Variants in NPAS3 observed in about 807,000 individuals in gnomAD.
NPAS3 encodes the protein neuronal PAS domain-containing protein 3.
Under a neutral mutation model 73.1 loss-of-function variants are expected in NPAS3, and 14 were observed. The observed-to-expected ratio is 0.19, with a 90% confidence interval of 0.13 to 0.30. The LOEUF (loss-of-function observed/expected upper bound fraction) is 0.30. NPAS3 is among the 10% of genes least tolerant of loss of function. The probability of loss-of-function intolerance (pLI) is 1.00; values close to 1 mark genes in which losing one functional copy is unlikely to be tolerated. For missense variants in NPAS3, 1,096 were observed against 1,250.0 expected (o/e 0.88, Z 1.86); for synonymous variants, 620 against 541.5 (o/e 1.14, Z -2.01).
intron 3 of NPAS3, among the ~76,000 whole-genome samples, chr14:33,318,967 C>T (rs987350591): frequency 1.3e-5 from 2 of 152,090 alleles, no homozygotes; most frequent in Non-Finnish European, 2.9e-5. Context: ...CCCCAAAATA[C>T]GTCTCTTCAG....
chr14:33,114,028 T>G lies in NPAS3; in HGVS notation c.140+58034T>G, dbSNP rs574544638. 3.3e-5 allele frequency among the ~76,000 whole-genome samples: 5 copies of G among 152,198 alleles called. No homozygotes were observed. The East Asian group carries it at 9.7e-4, about 29-fold the overall frequency. On this transcript the variant is annotated intron_variant, in intron 2 of 11. Coordinates refer to ENST00000356141, the Ensembl canonical transcript of NPAS3. ...CCCAGGGATGAAGCCCACTTGATCA[T>G]GTTGGAAAATTTTCTTTTTTTAATT...
intron 5 of NPAS3, among the ~76,000 whole-genome samples, chr14:33,579,292 A>G (rs537356776): frequency 6.6e-6 from 1 of 152,364 alleles, no homozygotes; most frequent in Non-Finnish European, 1.5e-5. Context: ...AAATAAATAA[A>G]GAAATGCAGA....
chr14:33,584,365 A>G (rs1408396684), intron 5 of NPAS3, among the ~76,000 whole-genome samples: 1 of 151,466 alleles, frequency 6.6e-6, no homozygotes, highest in Non-Finnish European at 1.5e-5. Flanking sequence ...GAGTAGAACA[A>G]AGTTGCTGAA....
chr14:33,209,572 A>G (rs2046955170), intron 2 of NPAS3, among the ~76,000 whole-genome samples: 1 of 152,176 alleles, frequency 6.6e-6, no homozygotes, highest in African/African-American at 2.4e-5. Flanking sequence ...GAAGCCTTTG[A>G]TGAATTTTTG....
chr14:33,614,315 G>A (rs1409478026), intron 5 of NPAS3, among the ~76,000 whole-genome samples: 2 of 152,168 alleles, frequency 1.3e-5, no homozygotes, highest in Non-Finnish European at 2.9e-5. Context: ...TTGCCAAACA[G>A]GCATGACAAA....
chr14:33,572,936 T>C (rs4617741), intron 5 of NPAS3, among the ~76,000 whole-genome samples: 51,226 of 147,078 alleles, frequency 0.35, 9,039 homozygotes, highest in Middle Eastern at 0.45. Flanking sequence ...GGCAGGAGAA[T>C]CGCTTAACCC....
At chr14:33,192,784 A>C (rs927327623) in intron 2 of NPAS3, among the ~76,000 whole-genome samples, 1 of 152,220 alleles carries the variant, frequency 6.6e-6, no homozygotes, top group Non-Finnish European at 1.5e-5. Flanking sequence ...TGGTGATTGC[A>C]CTGTCGAGAC....
chr14:33,049,372 A>T (rs2040623051), intron 1 of NPAS3, among the ~76,000 whole-genome samples: 1 of 152,210 alleles, frequency 6.6e-6, no homozygotes, highest in African/African-American at 2.4e-5. Context: ...ATAAAGACAT[A>T]CCTGAGACTG....
At chr14:33,141,557 G>A (rs544871116) in intron 2 of NPAS3, among the ~76,000 whole-genome samples, 89 of 152,250 alleles carry the variant, frequency 5.8e-4, no homozygotes, top group African/African-American at 2.1e-3. Context: ...TCAAAATTAA[G>A]TATGCTTTGG....
intron 3 of NPAS3, among the ~76,000 whole-genome samples, chr14:33,260,443 T>C (rs897431380): frequency 1.1e-4 from 16 of 152,146 alleles, no homozygotes; most frequent in East Asian, 1.9e-4. Flanking sequence ...ACTGGAGTTA[T>C]GCTAAAGCTC....
chr14:33,329,304 A>G (rs2043870002), intron 3 of NPAS3, among the ~76,000 whole-genome samples: 1 of 152,154 alleles, frequency 6.6e-6, no homozygotes. Context: ...GCAGCGAACA[A>G]GCAACTGCGC....
chr14:33,786,937 C>CA (rs36114643), intron 9 of NPAS3, among the ~76,000 whole-genome samples: 23,153 of 151,720 alleles, frequency 0.15, 1,791 homozygotes, highest in East Asian at 0.18. Flanking sequence ...AGTAGGCACT[C>CA]AAAAAAAATG....
chr14:32,996,280 G>GA (rs758535550), intron 1 of NPAS3, among the ~76,000 whole-genome samples: 9 of 151,948 alleles, frequency 5.9e-5, no homozygotes, highest in Non-Finnish European at 1.2e-4. Flanking sequence ...GTTTTATAAG[G>GA]AAAAAAGAGT....
At chr14:33,092,674 C>T (rs2042268726) in intron 2 of NPAS3, among the ~76,000 whole-genome samples, 1 of 152,092 alleles carries the variant, frequency 6.6e-6, no homozygotes, top group South Asian at 2.1e-4. Flanking sequence ...AATCCTAAGC[C>T]AAAAGGACAA....
intron 4 of NPAS3, among the ~76,000 whole-genome samples, chr14:33,445,081 G>A (rs2049424497): frequency 6.6e-6 from 1 of 152,166 alleles, no homozygotes; most frequent in Admixed American, 6.5e-5. Flanking sequence ...CATTGTTTGT[G>A]TTTGTTCACA....
intron 4 of NPAS3, among the ~76,000 whole-genome samples, chr14:33,528,195 G>C (rs1052995272): frequency 3.3e-5 from 5 of 151,884 alleles, no homozygotes; most frequent in African/African-American, 4.8e-5. Flanking sequence ...AGAAGGAATA[G>C]AGACTCCACG....
intron 2 of NPAS3, among the ~76,000 whole-genome samples, chr14:33,172,347 A>AT (rs2045423330): frequency 6.6e-6 from 1 of 152,206 alleles, no homozygotes; most frequent in African/African-American, 2.4e-5. Context: ...GAGTCTGCTC[A>AT]TTTTTGTATT....
intron 9 of NPAS3, among the ~76,000 whole-genome samples, chr14:33,783,867 G>A (rs566477335): frequency 6.6e-6 from 1 of 152,292 alleles, no homozygotes; most frequent in South Asian, 2.1e-4. Context: ...GAAAAGTACA[G>A]ACCATACTAG....
At chr14:33,719,564 G>T (rs2061048260) in intron 6 of NPAS3, among the ~76,000 whole-genome samples, 1 of 152,108 alleles carries the variant, frequency 6.6e-6, no homozygotes, top group South Asian at 2.1e-4. Context: ...ACCAAACAGT[G>T]CCAAAACTGT....
Sources: gnomAD v4.1 joint callset for allele counts (sites outside exome capture counted in the v4.1 genomes callset) on GRCh38, gnomAD v4.1.1 for gene constraint, MANE v1.5 for transcripts, NCBI Gene and HGNC (gene_info 2026-07-23, HGNC 2026-07-21) for gene names.